Variants in PCDH11X observed in about 807,000 individuals in gnomAD.
PCDH11X encodes protocadherin 11 X-linked, also known as protocadherin-11 X-linked.
PCDH11X carries 18 observed loss-of-function variants against 53.3 expected under a neutral mutation model. That is an observed-to-expected ratio of 0.34 (90% CI 0.23 to 0.50). The LOEUF is 0.50. Among genes scored for constraint, PCDH11X ranks in the 20% least tolerant of loss-of-function variants. PCDH11X has a pLI of 0.98. For missense variants in PCDH11X, 570 were observed against 1,032.4 expected, an observed-to-expected ratio of 0.55 and a Z score of 6.14; for synonymous variants, 279 against 393.3, an observed-to-expected ratio of 0.71 and a Z score of 3.44.
chrX:92,409,396 C>T (rs1338871281), intron 9 of PCDH11X, among the ~76,000 whole-genome samples: 2 of 112,064 alleles, frequency 1.8e-5, no homozygotes, highest in African/African-American at 6.5e-5. Flanking sequence ...AAATGGTAAA[C>T]ATTCCCCTCT....
At chrX:92,581,559 G>A (rs755632392) in intron 10 of PCDH11X, among the ~76,000 whole-genome samples, 11 of 111,979 alleles carry the variant, frequency 9.8e-5, no homozygotes, top group African/African-American at 2.9e-4. Context: ...CACGTGAACT[G>A]TGAGTCCATT....
At chrX:92,460,379 C>G (rs1454705407) in intron 9 of PCDH11X, 24 of 963,095 alleles carry the variant, frequency 2.5e-5, no homozygotes, top group Non-Finnish European at 2.9e-6. Context: ...GTAGATGCCC[C>G]CAAATCTCAG....
chrX:92,319,889 G>A (rs1169904447), intron 8 of PCDH11X, among the ~76,000 whole-genome samples: 1 of 111,573 alleles, frequency 9.0e-6, no homozygotes, highest in Non-Finnish European at 1.9e-5. Context: ...GTTTGCTAGT[G>A]GACACAGAAT....
intron 1 of PCDH11X, among the ~76,000 whole-genome samples, chrX:91,783,656 C>T (rs1935235899): frequency 9.0e-6 from 1 of 110,954 alleles, no homozygotes; most frequent in South Asian, 3.9e-4. Flanking sequence ...GGAGGCACAT[C>T]GACAAAGGAG....
chrX:92,227,891 T>G (rs961823778), intron 7 of PCDH11X, among the ~76,000 whole-genome samples: 2 of 111,436 alleles, frequency 1.8e-5, no homozygotes, highest in Non-Finnish European at 3.8e-5. Context: ...GTTGTATATA[T>G]TTTATGAAAA....
At chrX:92,194,900 C>T (rs1203907603) in intron 6 of PCDH11X, among the ~76,000 whole-genome samples, 1 of 111,336 alleles carries the variant, frequency 9.0e-6, no homozygotes, top group Non-Finnish European at 1.9e-5. Flanking sequence ...CTCTGGATGA[C>T]CTCTTTGCAC....
chrX:92,122,342 C>G (rs1027503269), intron 6 of PCDH11X, among the ~76,000 whole-genome samples: 12 of 111,035 alleles, frequency 1.1e-4, no homozygotes, highest in African/African-American at 3.6e-4. Context: ...TATTCCTATC[C>G]CTGAAATAAA....
chrX:92,127,518 CTTTTTTTT>C (rs35828888), intron 6 of PCDH11X, among the ~76,000 whole-genome samples: 3 of 88,437 alleles, frequency 3.4e-5, no homozygotes, highest in Non-Finnish European at 6.4e-5. Context: ...TTTCCCCCCA[CTTTTTTTT>C]TTTTTTTTTT....
intron 6 of PCDH11X, among the ~76,000 whole-genome samples, chrX:92,096,584 G>A (rs2064140281): frequency 9.1e-6 from 1 of 110,123 alleles, no homozygotes; most frequent in African/African-American, 3.3e-5. Context: ...AAGAAAAAGA[G>A]GTTTAATGGA....
chrX:92,105,338 G>A (rs1418703556), intron 6 of PCDH11X, among the ~76,000 whole-genome samples: 1 of 110,904 alleles, frequency 9.0e-6, no homozygotes, highest in Non-Finnish European at 1.9e-5. Flanking sequence ...TCGGTCTGAG[G>A]ACCTGAGGTC....
chrX:92,393,136 A>G (rs1395083920), intron 9 of PCDH11X, among the ~76,000 whole-genome samples: 1 of 110,688 alleles, frequency 9.0e-6, no homozygotes, highest in African/African-American at 3.3e-5. Flanking sequence ...AGAAAAGTGA[A>G]TGCATCATTT....
intron 4 of PCDH11X, among the ~76,000 whole-genome samples, chrX:91,814,726 A>G (rs1390392691): frequency 1.1e-5 from 1 of 91,252 alleles, no homozygotes; most frequent in Non-Finnish European, 2.2e-5. Flanking sequence ...GGCTAGAACA[A>G]GAAAAGATCT....
chrX:92,396,836 C>A, intron 9 of PCDH11X, among the ~76,000 whole-genome samples: 1 of 42,770 alleles, frequency 2.3e-5, no homozygotes, highest in Non-Finnish European at 3.8e-5. Context: ...GACAGAGGGA[C>A]TCTGTCTCAA....
chrX:92,529,292 G>A (rs1042162416), intron 10 of PCDH11X, among the ~76,000 whole-genome samples: 1 of 109,901 alleles, frequency 9.1e-6, no homozygotes, highest in Non-Finnish European at 1.9e-5. Flanking sequence ...TTTATTCCAT[G>A]GCTGAAAAGG....
chrX:91,919,983 T>G (rs1289226539), intron 6 of PCDH11X, among the ~76,000 whole-genome samples: 3 of 111,590 alleles, frequency 2.7e-5, no homozygotes, highest in Non-Finnish European at 3.8e-5. Context: ...ACAAACCTGA[T>G]GGACAGTTTT....
intron 6 of PCDH11X, among the ~76,000 whole-genome samples, chrX:91,882,348 C>T (rs780554001): frequency 1.8e-5 from 2 of 109,305 alleles, no homozygotes; most frequent in African/African-American, 3.4e-5. Context: ...ACTAGAGAAA[C>T]CATAAGTATA....
At chrX:92,566,682 T>A (rs2750542) in intron 10 of PCDH11X, among the ~76,000 whole-genome samples, 47,525 of 109,795 alleles carry the variant, frequency 0.43, 7,548 homozygotes, top group Admixed American at 0.51. Flanking sequence ...ATGCAAAAAA[T>A]CTATTTTCAC....
intron 8 of PCDH11X, among the ~76,000 whole-genome samples, chrX:92,352,299 C>T (rs1303138492): frequency 8.9e-6 from 1 of 111,761 alleles, no homozygotes; most frequent in Non-Finnish European, 1.9e-5. Context: ...CTGATGTCAA[C>T]TTAGTTGCTA....
intron 9 of PCDH11X, among the ~76,000 whole-genome samples, chrX:92,399,024 T>A (rs1175123428): frequency 9.2e-6 from 1 of 108,212 alleles, no homozygotes; most frequent in Non-Finnish European, 1.9e-5. Context: ...AAACCCCGTC[T>A]CTACTAAAAA....
Sources: allele counts gnomAD v4.1 joint callset (sites outside exome capture counted in the v4.1 genomes callset), GRCh38; gene constraint gnomAD v4.1.1; transcripts MANE v1.5; gene names NCBI Gene and HGNC (gene_info 2026-07-23, HGNC 2026-07-21).